The following BEND2 variants were observed in gnomAD, a reference collection of about 807,000 sequenced individuals.
BEND2 encodes the protein BEN domain containing 2.
Under a neutral mutation model 43.8 loss-of-function variants are expected in BEND2, and 19 were observed. That is an observed-to-expected ratio of 0.43 (90% confidence interval 0.30 to 0.64). The LOEUF is 0.64. Among genes scored for constraint, BEND2 ranks in the 30% least tolerant of loss-of-function variants. The pLI is 0.11. For missense variants in BEND2, 544 were observed against 574.0 expected (o/e 0.95, Z 0.53); for synonymous variants, 226 against 210.1 (o/e 1.08, Z -0.66).
chrX:18,170,147 T>C (rs1181451401), intron 13 of BEND2, among the ~76,000 whole-genome samples: 4 of 111,841 alleles, frequency 3.6e-5, no homozygotes, highest in African/African-American at 1.3e-4. Context: ...AAATCAGTGA[T>C]AGCAGTACTT....
intron 8 of BEND2, among the ~76,000 whole-genome samples, chrX:18,184,017 C>T (rs760559925): frequency 6.4e-4 from 71 of 111,602 alleles, no homozygotes; most frequent in African/African-American, 2.2e-3. Flanking sequence ...AGCAAACACA[C>T]GCTGTAGCCA....
At chrX:18,169,043 T>C (rs989609874) in intron 13 of BEND2, among the ~76,000 whole-genome samples, 1 of 110,148 alleles carries the variant, frequency 9.1e-6, no homozygotes, top group Non-Finnish European at 1.9e-5. Flanking sequence ...GATCGGAGGA[T>C]TGCTTGAGCC....
chrX:18,177,565 A>T lies in BEND2; in HGVS notation c.1630+4T>A. 8.3e-7 allele frequency: 1 copy of T among 1,202,404 alleles called. No individual in the cohort carries two copies. Among genetic ancestry groups the T allele is most frequent in the Non-Finnish European group, 1.1e-6 (1 of 887,327 alleles). ...GATTCCATTATCACTTTATGTACAC[A>T]TACCTCTCAATGCAGCCATTTTGTT... On this transcript the variant is annotated splice_donor_region_variant and intron_variant, in intron 10 of 13. Transcript: ENST00000380033.
intron 8 of BEND2, among the ~76,000 whole-genome samples, chrX:18,184,369 C>T (rs1015065481): frequency 8.9e-6 from 1 of 111,766 alleles, no homozygotes; most frequent in African/African-American, 3.3e-5. Flanking sequence ...GTAATCTCAG[C>T]TACTTGGGAG....
At chrX:18,201,121 C>A (rs1478572062) in intron 6 of BEND2, among the ~76,000 whole-genome samples, 1 of 111,511 alleles carries the variant, frequency 9.0e-6, no homozygotes, top group African/African-American at 3.3e-5. Flanking sequence ...AGGCTGGGCG[C>A]AGTGGCTCAC....
chrX:18,166,765 C>T (rs1046880104), intron 13 of BEND2, among the ~76,000 whole-genome samples: 4 of 110,448 alleles, frequency 3.6e-5, no homozygotes, highest in Non-Finnish European at 7.6e-5. Flanking sequence ...TGGTGCATGC[C>T]TGCAGTCCTA....
At chrX:18,200,054 C>T (rs769452222) in intron 6 of BEND2, among the ~76,000 whole-genome samples, 2 of 111,619 alleles carry the variant, frequency 1.8e-5, no homozygotes, top group East Asian at 2.8e-4. Context: ...GAAATGAAAA[C>T]TTATATTTAC....
At chrX:18,182,726 C>G (rs777445964) in intron 8 of BEND2, among the ~76,000 whole-genome samples, 1 of 111,224 alleles carries the variant, frequency 9.0e-6, no homozygotes, top group South Asian at 3.8e-4. Flanking sequence ...TCAGCACCCA[C>G]CTCTCAGCAA....
rs1392993134 is a variant in BEND2, at chrX:18,164,702, C to T, written c.*307G>A. Reference sequence around the variant, plus strand: ...CTTTCTATTGAATTTCTTTCTCTACCTTATCAAAAAAACAAAGTATATTAA... The same window carrying T: ...CTTTCTATTGAATTTCTTTCTCTACTTTATCAAAAAAACAAAGTATATTAA... On this transcript the variant is annotated 3_prime_UTR_variant, in exon 14 of 14. Coordinates refer to ENST00000380033, the MANE Select transcript of BEND2 (RefSeq NM_153346.5). The T allele has an allele frequency of 8.0e-5, 15 of 186,964 alleles. No homozygotes were observed. Among genetic ancestry groups the T allele is most frequent in the Admixed American group, 1.6e-4 (2 of 12,894 alleles). The allele number at this position is 186,964 out of a possible 1,213,427, so 15.4% of individuals were successfully genotyped here.
At chrX:18,170,860 C>T in intron 13 of BEND2, 141 bp downstream of exon 13, 2 of 1,043,598 alleles carry the variant, frequency 1.9e-6, no homozygotes, top group Non-Finnish European at 2.6e-6. Context: ...TTGCTCCTTG[C>T]TGTACTCTAA....
intron 8 of BEND2, among the ~76,000 whole-genome samples, chrX:18,189,854 C>T (rs1049162549): frequency 3.6e-5 from 4 of 110,437 alleles, no homozygotes; most frequent in African/African-American, 1.3e-4. Context: ...CGAGACCATC[C>T]TGGCTAACAT....
intron 4 of BEND2, among the ~76,000 whole-genome samples, chrX:18,207,376 C>G (rs909776826): frequency 4.5e-5 from 5 of 111,289 alleles, no homozygotes; most frequent in African/African-American, 1.6e-4. Context: ...ACAACACCCC[C>G]TCAAAACCAC....
rs761510359 is a variant in BEND2, at chrX:18,168,370, G to C, written c.2185+2631C>G. Among the ~76,000 whole-genome samples the C allele has an allele frequency of 1.2e-4, 13 of 111,849 alleles. No homozygotes were observed. In the South Asian group the frequency reaches 4.9e-3, roughly 42 times the overall value. On this transcript the variant is annotated intron_variant, in intron 13 of 13. Transcript: ENST00000380033. ...TAGAGAAGGGATAACCAGGACAAAA[G>C]TGTATGATTTACAAGGGAAGGTACA...
intron 4 of BEND2, 42 bp from the exon 5 acceptor site, chrX:18,203,957 T>C (rs1925255507): frequency 7.3e-6 from 8 of 1,097,922 alleles, no homozygotes; most frequent in Middle Eastern, 3.4e-4. Flanking sequence ...GTTATTTTCT[T>C]CGGTTCCTAG....
Position 18,191,078 on chromosome X carries a change from A to T in BEND2, c.1211T>A (p.Met404Lys), listed in dbSNP as rs2147410184. The change falls in exon 8 of 14, where the codon ATG becomes AAG. Residue 404 changes from methionine to lysine, a missense_variant. Physicochemically the swap from Met to Lys is moderately conservative, Grantham distance 95. Around this residue, in one of 2 missense-constraint regions of BEND2, gnomAD observed 501 missense variants for 501.6 expected, o/e 1.00. Transcript: ENST00000380033. ...ATTTTTCATTTCAGTTGAGTAACTC[A>T]TTGTCCCATAACTCATTTGTGGGCC... The part of the protein sequence containing the change: ...ESGPQMSYGT[M>K]SYSTEMKNNC... The T allele has an allele frequency of 8.3e-7, 1 of 1,208,373 alleles. No homozygotes were observed. The highest frequency in any genetic ancestry group is 3.0e-5 in the East Asian group (1 of 33,735).
chrX:18,191,337 G>A (rs1924764488), intron 7 of BEND2, among the ~76,000 whole-genome samples: 1 of 111,945 alleles, frequency 8.9e-6, no homozygotes, highest in Non-Finnish European at 1.9e-5. Context: ...AAGGAATCTT[G>A]CACCGTCACG....
chrX:18,172,671 G>GTTGT (rs1472355986), intron 12 of BEND2, among the ~76,000 whole-genome samples: 1 of 109,612 alleles, frequency 9.1e-6, no homozygotes, highest in Non-Finnish European at 1.9e-5. Context: ...TCCAGCCTGG[G>GTTGT]TAACAGAGCG....
chrX:18,164,945 A>G lies in BEND2; in HGVS notation c.*64T>C. 9.1e-7 allele frequency: 1 copy of G among 1,100,806 alleles called. No homozygotes were observed. The highest frequency in any genetic ancestry group is 2.1e-5 in the South Asian group (1 of 48,143). The allele number at this position is 1,100,806 out of a possible 1,213,427, so 90.7% of individuals were successfully genotyped here. On this transcript the variant is annotated 3_prime_UTR_variant, in exon 14 of 14. Coordinates refer to ENST00000380033, the MANE Select transcript of BEND2 (RefSeq NM_153346.5). ...ACAGCAGGCTGATTTTGGAATTAGAACTTGAGAAACTTACAAAATAGTCTT... is the reference window on the plus strand; with the variant it reads ...ACAGCAGGCTGATTTTGGAATTAGAGCTTGAGAAACTTACAAAATAGTCTT...
At chrX:18,196,772 A>G (rs1277419772) in intron 6 of BEND2, among the ~76,000 whole-genome samples, 1 of 109,897 alleles carries the variant, frequency 9.1e-6, no homozygotes, top group Non-Finnish European at 1.9e-5. Context: ...TATAGAGGCC[A>G]GCGTTTGTCA....
Sources: allele counts gnomAD v4.1 joint callset (sites outside exome capture counted in the v4.1 genomes callset), GRCh38; gene constraint gnomAD v4.1.1; regional missense constraint gnomAD v4.1.1; transcripts MANE v1.5; gene names NCBI Gene and HGNC (gene_info 2026-07-23, HGNC 2026-07-21).